The following SGPP2 variants were observed in gnomAD, a reference collection of about 807,000 sequenced individuals.
SGPP2 encodes the protein sphingosine 1-phosphate phosphohydrolase 2.
A neutral mutation model predicts 33.9 loss-of-function variants in SGPP2; 30 were observed. The observed-to-expected ratio is 0.89, with a 90% CI of 0.66 to 1.20. The LOEUF is 1.20. SGPP2 is among the 50% of genes most tolerant of loss of function. The probability of loss-of-function intolerance (pLI) is 0.00; values close to 1 mark genes in which losing one functional copy is unlikely to be tolerated. For missense variants in SGPP2, 458 were observed against 532.1 expected (o/e 0.86, Z 1.37); for synonymous variants, 233 against 225.0 (o/e 1.04, Z -0.32).
chr2:222,532,893 T>C (rs372688724), intron 4 of SGPP2, among the ~76,000 whole-genome samples: 86 of 152,144 alleles, frequency 5.7e-4, no homozygotes, highest in African/African-American at 1.9e-3. Flanking sequence ...GGGGCCCCAA[T>C]GACATCACTG....
intron 4 of SGPP2, among the ~76,000 whole-genome samples, chr2:222,525,881 G>A (rs1290502933): frequency 1.3e-5 from 2 of 152,160 alleles, no homozygotes; most frequent in East Asian, 1.9e-4. Flanking sequence ...CCTTGTGTGG[G>A]TTTTTTATGG....
intron 2 of SGPP2, among the ~76,000 whole-genome samples, chr2:222,512,158 C>A (rs1178371364): frequency 1.3e-5 from 2 of 151,920 alleles, no homozygotes; most frequent in African/African-American, 4.8e-5. Context: ...ACTACAGGCG[C>A]CCGCCACCAC....
chr2:222,539,954 A>G (rs1332075882), intron 4 of SGPP2, among the ~76,000 whole-genome samples: 1 of 152,226 alleles, frequency 6.6e-6, no homozygotes, highest in Non-Finnish European at 1.5e-5. Flanking sequence ...CTTCCTAGGA[A>G]AAATGACAAT....
chr2:222,434,975 T>TACACACACAC lies in SGPP2; in HGVS notation c.219+10182_219+10191dup, dbSNP rs71053082. 1.2e-3 allele frequency among the ~76,000 whole-genome samples: 176 copies of TACACACACAC among 146,082 alleles called. 1 individual carries two copies. The highest frequency in any genetic ancestry group is 2.8e-3 in the East Asian group (14 of 4,938). On this transcript the variant is annotated intron_variant, in intron 1 of 4. Coordinates refer to ENST00000321276, the MANE Select transcript of SGPP2 (RefSeq NM_152386.4). ...ACAGACCTAACAGAATGGAGATATA[T>TACACACACAC]ACACACACACACACACACACACACA...
chr2:222,552,821 T>C (rs1451729988), intron 4 of SGPP2, among the ~76,000 whole-genome samples: 1 of 151,984 alleles, frequency 6.6e-6, no homozygotes, highest in East Asian at 1.9e-4. Context: ...GATCACACCA[T>C]TGCACTCCAG....
At position 222,559,100 on chromosome 2, in the gene SGPP2, T is replaced by C. The variant is rs1689476984; in HGVS notation, c.*202T>C. On this transcript the variant is annotated 3_prime_UTR_variant, in exon 5 of 5. Transcript: ENST00000321276. ...GTCATTGGTCGTCCGTGGTGGTTGG[T>C]TGTGCTACAGTTGAACCCAGGCTAA... 1 of 525,658 alleles carries C rather than the reference T, an allele frequency of 1.9e-6. No homozygotes were observed. 32.6% of individuals were successfully genotyped at this position (525,658 alleles called of 1,614,324 possible). A position where few individuals can be genotyped will look rare whatever the true frequency, so the allele number is the denominator to read the frequency against.
intron 1 of SGPP2, among the ~76,000 whole-genome samples, chr2:222,459,146 T>TTTC (rs1697620281): frequency 1.2e-5 from 1 of 83,892 alleles, no homozygotes; most frequent in Non-Finnish European, 3.1e-5. Context: ...TTCTTTCTTT[T>TTTC]TTTTTTTTTT....
intron 2 of SGPP2, among the ~76,000 whole-genome samples, chr2:222,482,674 A>G (rs997065696): frequency 9.9e-5 from 15 of 152,022 alleles, no homozygotes; most frequent in Non-Finnish European, 1.9e-4. Context: ...TCACCCCTCA[A>G]CTGTCTTTCA....
chr2:222,491,036 T>C (rs1237342704), intron 2 of SGPP2, among the ~76,000 whole-genome samples: 3 of 152,234 alleles, frequency 2.0e-5, no homozygotes, highest in Non-Finnish European at 4.4e-5. Flanking sequence ...GATGTGATTG[T>C]ACTCCAGTAA....
intron 1 of SGPP2, among the ~76,000 whole-genome samples, chr2:222,458,503 T>G (rs1053216258): frequency 9.2e-5 from 14 of 152,214 alleles, no homozygotes; most frequent in African/African-American, 3.4e-4. Context: ...TTATTATGTA[T>G]GAAGTTATGA....
chr2:222,529,427 C>T (rs1432226965), intron 4 of SGPP2, among the ~76,000 whole-genome samples: 1 of 152,030 alleles, frequency 6.6e-6, no homozygotes, highest in African/African-American at 2.4e-5. Flanking sequence ...CTCCGTCTCC[C>T]GGGTTCAAGC....
At chr2:222,485,372 C>G (rs942497441) in intron 2 of SGPP2, among the ~76,000 whole-genome samples, 2 of 152,208 alleles carry the variant, frequency 1.3e-5, no homozygotes, top group Non-Finnish European at 2.9e-5. Flanking sequence ...TTCCCACCCC[C>G]GCATTTGACA....
At chr2:222,435,809 T>C (rs1201062587) in intron 1 of SGPP2, among the ~76,000 whole-genome samples, 1 of 152,240 alleles carries the variant, frequency 6.6e-6, no homozygotes, top group African/African-American at 2.4e-5. Context: ...CTGGTTTCTG[T>C]AGCTGGTCAT....
intron 2 of SGPP2, among the ~76,000 whole-genome samples, chr2:222,508,562 A>G (rs1211646064): frequency 6.6e-6 from 1 of 152,234 alleles, no homozygotes; most frequent in Non-Finnish European, 1.5e-5. Flanking sequence ...TTATAATGAA[A>G]GGGAGGCTCA....
At chr2:222,472,101 A>G (rs1559153372) in intron 1 of SGPP2, among the ~76,000 whole-genome samples, 1 of 152,176 alleles carries the variant, frequency 6.6e-6, no homozygotes, top group Non-Finnish European at 1.5e-5. Flanking sequence ...CATCATTGTG[A>G]TGGGTTAACT....
chr2:222,494,216 G>A (rs1051837747), intron 2 of SGPP2, among the ~76,000 whole-genome samples: 2 of 152,072 alleles, frequency 1.3e-5, no homozygotes, highest in Non-Finnish European at 2.9e-5. Flanking sequence ...TTCTAGAATC[G>A]CAAATGAAGC....
chr2:222,429,344 G>A (rs920865448), intron 1 of SGPP2, among the ~76,000 whole-genome samples: 3 of 152,194 alleles, frequency 2.0e-5, no homozygotes, highest in African/African-American at 7.2e-5. Flanking sequence ...CATGGCAGCC[G>A]TGACATTTTG....
At chr2:222,479,297 A>G (rs1287471032) in intron 2 of SGPP2, among the ~76,000 whole-genome samples, 1 of 152,058 alleles carries the variant, frequency 6.6e-6, no homozygotes, top group Non-Finnish European at 1.5e-5. Flanking sequence ...GATTTGCCCA[A>G]AGTTTTCTTC....
chr2:222,461,197 TG>T (rs1382805212), intron 1 of SGPP2, among the ~76,000 whole-genome samples: 3 of 152,264 alleles, frequency 2.0e-5, no homozygotes, highest in Non-Finnish European at 4.4e-5. Flanking sequence ...GTGTGCCTGA[TG>T]GGGTAGCATG....
Sources: allele counts gnomAD v4.1 joint callset (sites outside exome capture counted in the v4.1 genomes callset), GRCh38; gene constraint gnomAD v4.1.1; transcripts MANE v1.5; gene names NCBI Gene and HGNC (gene_info 2026-07-23, HGNC 2026-07-21).